TAB2: variants seen among roughly 807,000 people sequenced by gnomAD.
TAB2 encodes TGF-beta activated kinase 1 (MAP3K7) binding protein 2, also known as TGF-beta-activated kinase 1 and MAP3K7-binding protein 2.
Under a neutral mutation model 65.0 loss-of-function variants are expected in TAB2, and 3 were observed. That is an observed-to-expected ratio of 0.05 (90% CI 0.02 to 0.12). The LOEUF is 0.12. TAB2 is among the 10% of genes least tolerant of loss of function. The probability of loss-of-function intolerance (pLI) is 1.00; values close to 1 mark genes in which losing one functional copy is unlikely to be tolerated. For synonymous variants in TAB2, 298 were observed against 285.1 expected, an observed-to-expected ratio of 1.05 and a Z score of -0.46; for missense variants, 623 against 840.3, an observed-to-expected ratio of 0.74 and a Z score of 3.20.
intron 1 of TAB2, among the ~76,000 whole-genome samples, chr6:149,289,394 T>TAAA: frequency 6.8e-6 from 1 of 146,778 alleles, no homozygotes; most frequent in African/African-American, 2.5e-5. Flanking sequence ...ACCCTGTCTC[T>TAAA]AAAAAAAAAA....
intron 1 of TAB2, among the ~76,000 whole-genome samples, chr6:149,356,373 A>G (rs962598557): frequency 4.6e-5 from 7 of 152,226 alleles, no homozygotes; most frequent in Admixed American, 1.3e-4. Context: ...GGTTACAGAA[A>G]TAAGATGATA....
chr6:149,266,731 C>G (rs1458120397), intron 1 of TAB2, among the ~76,000 whole-genome samples: 3 of 152,170 alleles, frequency 2.0e-5, no homozygotes, highest in Non-Finnish European at 4.4e-5. Context: ...GAAGTAACGC[C>G]TGCTGAAAGC....
chr6:149,240,921 G>A (rs563229450), intron 1 of TAB2, among the ~76,000 whole-genome samples: 1 of 152,238 alleles, frequency 6.6e-6, no homozygotes, highest in Non-Finnish European at 1.5e-5. Flanking sequence ...GACAATATTT[G>A]GAGATAAGGC....
intron 1 of TAB2, among the ~76,000 whole-genome samples, chr6:149,312,560 G>A (rs568590188): frequency 3.3e-4 from 50 of 152,202 alleles, no homozygotes; most frequent in African/African-American, 1.1e-3. Flanking sequence ...ATGGCGTTTC[G>A]CCATGTTGGC....
chr6:149,368,979 G>T (rs1475437894), intron 1 of TAB2, among the ~76,000 whole-genome samples: 2 of 152,028 alleles, frequency 1.3e-5, no homozygotes, highest in East Asian at 3.9e-4. Context: ...CTACATTCAT[G>T]AATATATAGA....
chr6:149,378,556 A>G lies in TAB2; in HGVS notation c.641A>G (p.Tyr214Cys), dbSNP rs760161262. ...AACAGTCCACAGGGAAATTCTATCT[A>G]TATTAGGCCTTACATTACAACTCCT... ...VLNSPQGNSIYIRPYITTPGG... is the reference protein window; with the variant it reads ...VLNSPQGNSICIRPYITTPGG... The change falls in exon 3 of 7, where the codon TAT becomes TGT. Residue 214 changes from tyrosine (Y) to cysteine (C), a missense_variant. Tyr to Cys is a radical substitution (Grantham distance 194). This residue lies in a region of TAB2 where 550 missense variants were observed against 665.7 expected (regional missense o/e 0.83). Transcript: ENST00000637181. The G allele has an allele frequency of 9.9e-6, 16 of 1,613,920 alleles. No individual in the cohort carries two copies. Among genetic ancestry groups the G allele is most frequent in the South Asian group, 2.2e-5 (2 of 91,086 alleles).
chr6:149,343,110 CA>C (rs953943187), intron 1 of TAB2, among the ~76,000 whole-genome samples: 5 of 151,384 alleles, frequency 3.3e-5, no homozygotes, highest in African/African-American at 9.7e-5. Flanking sequence ...ATAAACATAC[CA>C]AAAAAAATTG....
intron 1 of TAB2, among the ~76,000 whole-genome samples, chr6:149,360,873 G>T (rs933229228): frequency 6.6e-6 from 1 of 152,198 alleles, no homozygotes; most frequent in Admixed American, 6.5e-5. Flanking sequence ...TTGGCCAAAA[G>T]AAAGGGGCTA....
At chr6:149,366,941 C>CA (rs1269561587) in intron 1 of TAB2, among the ~76,000 whole-genome samples, 1 of 140,250 alleles carries the variant, frequency 7.1e-6, no homozygotes, top group Non-Finnish European at 1.5e-5. Context: ...GCCTCTCCCT[C>CA]AAATTGTGTA....
intron 1 of TAB2, among the ~76,000 whole-genome samples, chr6:149,295,633 G>A (rs1295023872): frequency 6.6e-6 from 1 of 152,010 alleles, no homozygotes; most frequent in Non-Finnish European, 1.5e-5. Context: ...ATCTTTAGTT[G>A]CCTCTAATGT....
upstream of TAB2, among the ~76,000 whole-genome samples, chr6:149,218,341 G>A (rs1055549879): frequency 6.6e-6 from 1 of 152,058 alleles, no homozygotes; most frequent in Non-Finnish European, 1.5e-5. Flanking sequence ...TGTTTATTCA[G>A]GGAAAAGGAT....
At chr6:149,220,636 G>A (rs1777123286) in intron 1 of TAB2, among the ~76,000 whole-genome samples, 1 of 152,104 alleles carries the variant, frequency 6.6e-6, no homozygotes, top group African/African-American at 2.4e-5. Context: ...TTTGCTTTTT[G>A]TGACAGAGTC....
intron 1 of TAB2, among the ~76,000 whole-genome samples, chr6:149,363,376 A>C (rs1473532750): frequency 2.6e-5 from 4 of 152,104 alleles, no homozygotes; most frequent in Non-Finnish European, 5.9e-5. Context: ...AGTCTTGACC[A>C]TGGTTACCTC....
intron 3 of TAB2, among the ~76,000 whole-genome samples, chr6:149,391,568 G>T (rs1055918855): frequency 6.6e-6 from 1 of 152,024 alleles, no homozygotes; most frequent in South Asian, 2.1e-4. Flanking sequence ...CAGGGGCAGG[G>T]TGTCACGGTT....
At chr6:149,242,909 G>A (rs1189079185) in intron 1 of TAB2, among the ~76,000 whole-genome samples, 1 of 152,194 alleles carries the variant, frequency 6.6e-6, no homozygotes, top group African/African-American at 2.4e-5. Context: ...TCTCCCAGAA[G>A]GTGCTTCTCC....
chr6:149,251,323 G>A (rs1777856980), intron 1 of TAB2, among the ~76,000 whole-genome samples: 1 of 152,140 alleles, frequency 6.6e-6, no homozygotes, highest in African/African-American at 2.4e-5. Flanking sequence ...TCTGGGGGAA[G>A]CTGGACTCCA....
chr6:149,359,478 G>T (rs951733874), intron 1 of TAB2, among the ~76,000 whole-genome samples: 8 of 152,088 alleles, frequency 5.3e-5, no homozygotes, highest in African/African-American at 1.9e-4. Flanking sequence ...AGTTCTTGTG[G>T]CTTCTATGTG....
chr6:149,375,573 G>A (rs1781372112), intron 2 of TAB2, among the ~76,000 whole-genome samples: 1 of 152,090 alleles, frequency 6.6e-6, no homozygotes, highest in Non-Finnish European at 1.5e-5. Context: ...ATGTGGAATT[G>A]GATTTGGTAG....
Position 149,378,281 on chromosome 6 carries a change from T to C in TAB2, c.366T>C (p.Phe122=). ...GTGGCCAGTCCAATAGTGAACTATT[T>C]CAGCAGGAGCCACAGACAGCACCAG... is the stretch of plus-strand genomic sequence containing the variant. ...LQGGQSNSEL[F]QQEPQTAPAQ... The change falls in exon 3 of 7, where the codon TTT becomes TTC. Residue 122 remains phenylalanine, a synonymous_variant. Transcript: ENST00000637181. 6.2e-7 allele frequency: 1 copy of C among 1,614,212 alleles called. No homozygotes were observed. Among genetic ancestry groups the C allele is most frequent in the Non-Finnish European group, 8.5e-7 (1 of 1,180,044 alleles).
Sources: allele counts gnomAD v4.1 joint callset (sites outside exome capture counted in the v4.1 genomes callset), GRCh38; gene constraint gnomAD v4.1.1; regional missense constraint gnomAD v4.1.1; transcripts MANE v1.5; gene names NCBI Gene and HGNC (gene_info 2026-07-23, HGNC 2026-07-21).